Variants in TAF2 observed in about 807,000 individuals in gnomAD.
TAF2 encodes the protein transcription initiation factor TFIID subunit 2.
TAF2 carries 61 observed loss-of-function variants against 138.5 expected under a neutral mutation model. That is an observed-to-expected ratio of 0.44 (90% CI 0.36 to 0.54). The LOEUF is 0.54. TAF2 is among the 20% of genes least tolerant of loss of function. The pLI, the probability that TAF2 is intolerant of heterozygous loss-of-function variation, is 0.00. For synonymous variants in TAF2, 475 were observed against 469.9 expected (o/e 1.01, Z -0.14); for missense variants, 1,090 against 1,427.9 (o/e 0.76, Z 3.81).
rs202201848 is a variant in TAF2 at position 119,797,751 on chromosome 8, T to C, written c.888A>G (p.Thr296=). Residue 296 remains threonine (T), a synonymous_variant, in exon 7 of 26, where the codon ACA becomes ACG. Coordinates refer to ENST00000378164, the MANE Select transcript of TAF2 (RefSeq NM_003184.4). ...TAAAACAGGAGTATGGGTAACGACA[T>C]GTAAGAATTTCTTCATAAAATTCAA... ...EVFEFYEEIL[T]CRYPYSCFKT... 3.1e-6 allele frequency: 5 copies of C among 1,613,528 alleles called. No individual in the cohort carries two copies. Among genetic ancestry groups the C allele is most frequent in the East Asian group, 4.5e-5 (2 of 44,798 alleles).
chr8:119,744,357 C>G lies in TAF2; in HGVS notation c.3145G>C (p.Asp1049His). 1 of 1,613,638 alleles carries G rather than the reference C, an allele frequency of 6.2e-7. No individual in the cohort carries two copies. The highest frequency in any genetic ancestry group is 8.5e-7 in the Non-Finnish European group (1 of 1,179,866). Residue 1049 changes from aspartate (D) to histidine (H), a missense_variant, in exon 24 of 26, where the codon GAT (aspartate) becomes CAT (histidine). Transcript: ENST00000378164. ...SSQDEEEIDM[D>H]TVHDSQAFIS... is the part of the protein sequence containing the mutation. ...AAGGCCTGGCTATCATGAACAGTAT[C>G]CATATCAATCTCCTCCTCATCTTGA...
intron 12 of TAF2, 83 bp downstream of exon 12, chr8:119,789,509 C>G: frequency 6.5e-7 from 1 of 1,536,486 alleles, no homozygotes; most frequent in East Asian, 2.3e-5. Flanking sequence ...GAGTCCCCCT[C>G]AAACCTCTCT....
chr8:119,732,050 CTTCTTT>C lies in TAF2; in HGVS notation c.3468_3473del (p.Lys1159_Lys1160del). 1.9e-6 allele frequency: 3 copies of C among 1,614,130 alleles called. No individual in the cohort carries two copies. The highest frequency in any genetic ancestry group is 2.5e-6 in the Non-Finnish European group (3 of 1,179,994). ...GTTTGTGCTTATGTTTATGCTTCTT[CTTCTTT>C]TTCTTGTGCTCATGGTGATGGTGGT... On this transcript the variant is annotated inframe_deletion, in exon 26 of 26. Coordinates refer to ENST00000378164, the MANE Select transcript of TAF2 (RefSeq NM_003184.4).
In TAF2 at chr8:119,832,539, G is replaced by A; in HGVS notation, c.26C>T (p.Ala9Val). 1 of 1,608,420 alleles carries A rather than the reference G, an allele frequency of 6.2e-7. No individual in the cohort carries two copies. Among genetic ancestry groups the A allele is most frequent in the Non-Finnish European group, 8.5e-7 (1 of 1,177,186 alleles). Residue 9 changes from alanine to valine, a missense_variant, in exon 1 of 26, where the codon GCC becomes GTC. By Grantham distance (64) the Ala-to-Val change is moderately conservative. Around this residue, in one of 3 missense-constraint regions of TAF2, gnomAD observed 504 missense variants for 680.9 expected, o/e 0.74. Coordinates refer to ENST00000378164, the MANE Select transcript of TAF2 (RefSeq NM_003184.4). Reference sequence around the variant, plus strand: ...GTCTCCTTTCTTCCTGTTCATTCTGGCGGGCTCTACACCAGTCAGCGGCAT... The same window carrying A: ...GTCTCCTTTCTTCCTGTTCATTCTGACGGGCTCTACACCAGTCAGCGGCAT... MPLTGVEP[A>V]RMNRKKGDKG... is the part of the protein sequence containing the mutation.
intron 3 of TAF2, among the ~76,000 whole-genome samples, chr8:119,811,368 TAGAAGTAA>T (rs960014590): frequency 1.2e-4 from 19 of 152,334 alleles, no homozygotes; most frequent in Non-Finnish European, 2.8e-4. Flanking sequence ...AAATTTTTTA[TAGAAGTAA>T]ACTTTTATGG....
intron 3 of TAF2, among the ~76,000 whole-genome samples, chr8:119,811,532 C>T (rs569770018): frequency 1.3e-5 from 2 of 152,242 alleles, no homozygotes; most frequent in African/African-American, 4.8e-5. Flanking sequence ...ACAGGCCGGG[C>T]ACGGTGGCTC....
At chr8:119,781,727 G>A (rs1452031910) in intron 16 of TAF2, among the ~76,000 whole-genome samples, 2 of 150,486 alleles carry the variant, frequency 1.3e-5, no homozygotes, top group African/African-American at 2.4e-5. Context: ...ATGGAGTCTC[G>A]TTCTATCGCT....
chr8:119,828,273 T>C lies in TAF2; in HGVS notation c.138+3404A>G, dbSNP rs75115420. Among the ~76,000 whole-genome samples the C allele has an allele frequency of 1.7e-3, 254 of 152,284 alleles. 1 individual carries two copies. The highest frequency in any genetic ancestry group is 3.1e-3 in the Non-Finnish European group (208 of 68,024). Reference sequence around the variant, plus strand: ...TGAAGAATGCATCCACCAGGGCACATAACCATGATTCCATTCCATTGGAAG... The same window carrying C: ...TGAAGAATGCATCCACCAGGGCACACAACCATGATTCCATTCCATTGGAAG... On this transcript the variant is annotated intron_variant, in intron 2 of 25. Transcript: ENST00000378164.
intron 3 of TAF2, among the ~76,000 whole-genome samples, chr8:119,807,817 G>A (rs1824769046): frequency 1.3e-5 from 2 of 152,278 alleles, no homozygotes; most frequent in South Asian, 4.1e-4. Flanking sequence ...AGCTACTCGG[G>A]AGGCTGAGGC....
intron 18 of TAF2, 72 bp downstream of exon 18, chr8:119,777,947 G>A (rs1822372839): frequency 1.3e-6 from 1 of 799,194 alleles, no homozygotes; most frequent in Non-Finnish European, 2.0e-6. Context: ...CCATTGGGTA[G>A]TTCTGTAATA....
At chr8:119,785,631 G>A (rs988227489) in intron 14 of TAF2, among the ~76,000 whole-genome samples, 5 of 152,104 alleles carry the variant, frequency 3.3e-5, no homozygotes, top group African/African-American at 7.2e-5. Context: ...AATGGGATAC[G>A]AATAATTCTG....
At chr8:119,776,062 A>G (rs894874174) in intron 18 of TAF2, among the ~76,000 whole-genome samples, 1 of 152,244 alleles carries the variant, frequency 6.6e-6, no homozygotes, top group Non-Finnish European at 1.5e-5. Context: ...CTTACTACTC[A>G]TTAAAAAATG....
intron 25 of TAF2, among the ~76,000 whole-genome samples, chr8:119,734,712 C>T (rs556074244): frequency 6.6e-6 from 1 of 152,202 alleles, no homozygotes; most frequent in East Asian, 1.9e-4. Context: ...GCCCTCATCC[C>T]TCCTAGGAGC....
At chr8:119,802,636 G>A (rs1739097193) in intron 5 of TAF2, among the ~76,000 whole-genome samples, 2 of 152,148 alleles carry the variant, frequency 1.3e-5, no homozygotes, top group South Asian at 2.1e-4. Flanking sequence ...GGACAGGCTG[G>A]GCGCAGTGGC....
In TAF2 at chr8:119,780,110, T is replaced by A. The variant is rs191197158; in HGVS notation, c.2253+943A>T. On this transcript the variant is annotated intron_variant, in intron 17 of 25. Coordinates refer to ENST00000378164, the MANE Select transcript of TAF2 (RefSeq NM_003184.4). ...GTTCTCTCTACTTCAACTTCACTCC[T>A]CCTTTCTAGTTCAATCTAGTTAATC... Among the ~76,000 whole-genome samples, 368 of 151,580 alleles carry A rather than the reference T, an allele frequency of 2.4e-3. 4 individuals are homozygous for A. Among genetic ancestry groups the A allele is most frequent in the African/African-American group, 8.6e-3 (353 of 41,266 alleles).
chr8:119,789,773 T>C (rs1823287168), intron 11 of TAF2, 27 bp from the exon 12 acceptor site: 1 of 1,604,768 alleles, frequency 6.2e-7, no homozygotes, highest in African/African-American at 1.3e-5. Context: ...ATTTAGTAAA[T>C]TCATATAACA....
intron 18 of TAF2, among the ~76,000 whole-genome samples, chr8:119,763,822 C>G (rs1821235460): frequency 6.6e-6 from 1 of 151,562 alleles, no homozygotes; most frequent in African/African-American, 2.4e-5. Context: ...CCACCGTACT[C>G]CAGCCTGGGT....
At chr8:119,756,513 G>T (rs1334517009) in intron 21 of TAF2, among the ~76,000 whole-genome samples, 2 of 152,096 alleles carry the variant, frequency 1.3e-5, no homozygotes, top group African/African-American at 4.8e-5. Context: ...TGACTGGTCA[G>T]TAAGTATAAA....
intron 18 of TAF2, chr8:119,766,871 A>C (rs1385385146): frequency 1.3e-5 from 2 of 152,196 alleles, no homozygotes; most frequent in Admixed American, 6.6e-5. Flanking sequence ...TGGAAGATAC[A>C]TGATATATGT....
Sources: gnomAD v4.1 joint callset for allele counts (sites outside exome capture counted in the v4.1 genomes callset) on GRCh38, gnomAD v4.1.1 for gene constraint, gnomAD v4.1.1 regional missense constraint, MANE v1.5 for transcripts, NCBI Gene and HGNC (gene_info 2026-07-23, HGNC 2026-07-21) for gene names.